The following PLEKHH2 variants were observed in gnomAD, a reference collection of about 807,000 sequenced individuals.
PLEKHH2 encodes the protein pleckstrin homology, MyTH4 and FERM domain containing H2, also known as pleckstrin homology domain-containing family H member 2.
Under a neutral mutation model 187.9 loss-of-function variants are expected in PLEKHH2, and 129 were observed. The observed-to-expected ratio is 0.69, with a 90% CI of 0.59 to 0.79. The LOEUF (loss-of-function observed/expected upper bound fraction) is 0.79, where lower values mean the gene tolerates loss of function less well. Ranked by LOEUF, PLEKHH2 falls within the 30% of genes least tolerant of loss-of-function variation. PLEKHH2 has a pLI of 0.00. For missense variants in PLEKHH2, 2,076 were observed against 1,751.2 expected (o/e 1.19, Z -3.31); for synonymous variants, 686 against 605.6 (o/e 1.13, Z -1.95).
Position 43,706,384 on chromosome 2 carries a change from A to C in PLEKHH2, c.1789A>C (p.Met597Leu). ...GLYTSLIYKN[M>L]TTPVYTTLKG... Reference sequence around the variant, plus strand: ...TTATACATCTCTGATATACAAGAACATGACCACCCCAGTGTATACAACTTT... The same window carrying C: ...TTATACATCTCTGATATACAAGAACCTGACCACCCCAGTGTATACAACTTT... The change falls in exon 10 of 30, where the codon ATG becomes CTG. Residue 597 changes from methionine (M) to leucine (L), a missense_variant. Met to Leu is a conservative substitution (Grantham distance 15, BLOSUM62 2). Coordinates refer to ENST00000282406, the MANE Select transcript of PLEKHH2 (RefSeq NM_172069.4). 6.2e-7 allele frequency: 1 copy of C among 1,605,758 alleles called. No homozygotes were observed. Among genetic ancestry groups the C allele is most frequent in the South Asian group, 1.1e-5 (1 of 90,840 alleles).
chr2:43,677,388 G>T (rs1356741094), intron 2 of PLEKHH2, among the ~76,000 whole-genome samples: 1 of 152,150 alleles, frequency 6.6e-6, no homozygotes, highest in African/African-American at 2.4e-5. Flanking sequence ...AGATTACGGA[G>T]TGGTGATGAC....
rs2104515031 is a variant in PLEKHH2, at chr2:43,710,057, C to T, written c.2034C>T (p.Asp678=). The T allele has an allele frequency of 6.2e-7, 1 of 1,612,242 alleles. No individual in the cohort carries two copies. Among genetic ancestry groups the T allele is most frequent in the Non-Finnish European group, 8.5e-7 (1 of 1,178,312 alleles). The change falls in exon 12 of 30, where the codon GAC becomes GAT. Residue 678 remains aspartate (D), a synonymous_variant. Coordinates refer to ENST00000282406, the MANE Select transcript of PLEKHH2 (RefSeq NM_172069.4). ...YAIPPDAYST[D]TEYSQPEQKL... The stretch of plus-strand genomic sequence containing the variant: ...TTCCTCCTGATGCTTACTCCACAGA[C>T]ACGGAGTACTCACAGCCAGAGCAGA...
chr2:43,759,497 A>G lies in PLEKHH2; in HGVS notation c.4071+468A>G, dbSNP rs184729026. ...AAACCACTGTATGGCAAATATCACTATGAGTCACATGAACAGACTGCTGCA... is the reference window on the plus strand; with the variant it reads ...AAACCACTGTATGGCAAATATCACTGTGAGTCACATGAACAGACTGCTGCA... On this transcript the variant is annotated intron_variant, in intron 27 of 29. Coordinates refer to ENST00000282406, the MANE Select transcript of PLEKHH2 (RefSeq NM_172069.4). Among the ~76,000 whole-genome samples, 86 of 152,316 alleles carry G rather than the reference A, an allele frequency of 5.6e-4. 1 individual carries two copies. The highest frequency in any genetic ancestry group is 2.0e-3 in the African/African-American group (85 of 41,570).
intron 2 of PLEKHH2, among the ~76,000 whole-genome samples, chr2:43,669,728 C>T (rs923130521): frequency 5.3e-5 from 8 of 150,712 alleles, no homozygotes; most frequent in East Asian, 1.9e-4. Flanking sequence ...TTTTTTGAGA[C>T]GGAGTCTCAC....
chr2:43,730,516 A>T lies in PLEKHH2; in HGVS notation c.2830+771A>T, dbSNP rs556476347. ...TGGGCTCAAGCAATCCTCCTGCCTC[A>T]GCCTCCTGAGTAGCTGGGACCACAG... On this transcript the variant is annotated intron_variant, in intron 18 of 29. Transcript: ENST00000282406. 1.8e-3 allele frequency among the ~76,000 whole-genome samples: 271 copies of T among 152,304 alleles called. 2 individuals carry two copies. Among genetic ancestry groups the T allele is most frequent in the Non-Finnish European group, 3.2e-3 (219 of 68,016 alleles).
At chr2:43,700,690 T>A (rs1669320928) in intron 8 of PLEKHH2, 82 bp downstream of exon 8, 1 of 1,487,212 alleles carries the variant, frequency 6.7e-7, no homozygotes, top group Non-Finnish European at 9.0e-7. Context: ...TCTCGCTCTG[T>A]CGCCCAAGCT....
intron 8 of PLEKHH2, among the ~76,000 whole-genome samples, chr2:43,702,903 C>T (rs1572584468): frequency 6.6e-6 from 1 of 152,122 alleles, no homozygotes; most frequent in East Asian, 1.9e-4. Flanking sequence ...TCCTCCCAGG[C>T]CTCCAGTCCC....
At chr2:43,656,423 A>T (rs775172013) in intron 2 of PLEKHH2, among the ~76,000 whole-genome samples, 1 of 150,596 alleles carries the variant, frequency 6.6e-6, no homozygotes, top group African/African-American at 2.5e-5. Flanking sequence ...GAATTTCTCC[A>T]TTTCACATCC....
chr2:43,754,199 C>CAAAA (rs748378945), intron 25 of PLEKHH2, among the ~76,000 whole-genome samples: 21 of 115,570 alleles, frequency 1.8e-4, no homozygotes, highest in African/African-American at 7.1e-4. Context: ...CACACACACA[C>CAAAA]ACACACAAAA....
At chr2:43,691,828 T>C (rs1038592863) in intron 3 of PLEKHH2, among the ~76,000 whole-genome samples, 3 of 152,192 alleles carry the variant, frequency 2.0e-5, no homozygotes, top group African/African-American at 7.2e-5. Flanking sequence ...AGGCCTAGAA[T>C]GTAATTTCTA....
chr2:43,711,140 T>G (rs967991897), intron 14 of PLEKHH2: 3 of 985,760 alleles, frequency 3.0e-6, no homozygotes, highest in Non-Finnish European at 3.6e-6. Flanking sequence ...AAACACAGGC[T>G]GTTGAGATAT....
At chr2:43,675,633 A>C (rs1251663594) in intron 2 of PLEKHH2, 10 of 1,613,718 alleles carry the variant, frequency 6.2e-6, no homozygotes, top group East Asian at 2.2e-5. Flanking sequence ...CATTTTCTGC[A>C]TGAACTCCTG....
chr2:43,697,281 C>T lies in PLEKHH2; in HGVS notation c.613C>T (p.Gln205Ter), dbSNP rs1669139713. 6.2e-7 allele frequency: 1 copy of T among 1,613,732 alleles called. No homozygotes were observed. The highest frequency in any genetic ancestry group is 1.7e-5 in the Admixed American group (1 of 59,984). Reference sequence around the variant, plus strand: ...TTTATCTCGAGCAAGGAGTCCTCCTCAAGTAGTAAAATCTGAGGAAATGAG... The same window carrying T: ...TTTATCTCGAGCAAGGAGTCCTCCTTAAGTAGTAAAATCTGAGGAAATGAG... ...CFLSRARSPP[Q>*]VVKSEEMSKI... The change falls in exon 7 of 30, where the codon CAA becomes TAA. Residue 205 changes from glutamine (Q) to a stop codon, truncating the protein, a stop_gained. Coordinates refer to ENST00000282406, the MANE Select transcript of PLEKHH2 (RefSeq NM_172069.4). LOFTEE classifies it high-confidence loss of function.
chr2:43,743,184 G>T (rs1437569067), intron 22 of PLEKHH2, among the ~76,000 whole-genome samples: 1 of 152,186 alleles, frequency 6.6e-6, no homozygotes, highest in Non-Finnish European at 1.5e-5. Context: ...AAACACTTCG[G>T]TTGGGGCTTT....
chr2:43,678,303 G>C (rs889370681), intron 2 of PLEKHH2, among the ~76,000 whole-genome samples: 1 of 152,168 alleles, frequency 6.6e-6, no homozygotes, highest in South Asian at 2.1e-4. Flanking sequence ...CTTCCCAGAC[G>C]GGGTGGCGGC....
intron 6 of PLEKHH2, among the ~76,000 whole-genome samples, chr2:43,696,932 T>C (rs1161660790): frequency 3.3e-5 from 5 of 152,194 alleles, no homozygotes; most frequent in African/African-American, 1.2e-4. Flanking sequence ...GGATTAGATA[T>C]TTTTCTTTCT....
At chr2:43,749,342 C>T (rs1397922201) in intron 24 of PLEKHH2, among the ~76,000 whole-genome samples, 1 of 152,096 alleles carries the variant, frequency 6.6e-6, no homozygotes, top group African/African-American at 2.4e-5. Context: ...TCAAGTTGTT[C>T]TGCCTTCCTA....
Position 43,767,154 on chromosome 2 carries a change from T to A in PLEKHH2, c.*1556T>A, listed in dbSNP as rs1672650275. On this transcript the variant is annotated 3_prime_UTR_variant, in exon 30 of 30. Coordinates refer to ENST00000282406, the MANE Select transcript of PLEKHH2 (RefSeq NM_172069.4). ...TTAATTTTATTTATGTATAGAATAT[T>A]TGTATTTATTTTTTGGACATATATT... 1.3e-5 allele frequency: 2 copies of A among 152,706 alleles called. No individual in the cohort carries two copies. Among genetic ancestry groups the A allele is most frequent in the East Asian group, 1.9e-4 (1 of 5,188 alleles). 9.5% of individuals were successfully genotyped at this position (152,706 alleles called of 1,614,324 possible).
At chr2:43,653,286 C>A (rs2104355003) in intron 2 of PLEKHH2, among the ~76,000 whole-genome samples, 1 of 152,196 alleles carries the variant, frequency 6.6e-6, no homozygotes. Context: ...ATTCTGCAAG[C>A]TTTCAGAGGA....
Sources: gnomAD v4.1 joint callset for allele counts (sites outside exome capture counted in the v4.1 genomes callset) on GRCh38, gnomAD v4.1.1 for gene constraint, MANE v1.5 for transcripts, NCBI Gene and HGNC (gene_info 2026-07-23, HGNC 2026-07-21) for gene names.